The following TAP2 variants were observed in gnomAD, a reference collection of about 807,000 sequenced individuals.
TAP2 encodes the protein antigen peptide transporter 2.
A neutral mutation model predicts 74.7 loss-of-function variants in TAP2; 49 were observed. The observed-to-expected ratio is 0.66, with a 90% CI of 0.52 to 0.83. The LOEUF (loss-of-function observed/expected upper bound fraction) is 0.83, where lower values mean the gene tolerates loss of function less well. Ranked by LOEUF, TAP2 falls within the 40% of genes least tolerant of loss-of-function variation. The pLI, the probability that TAP2 is intolerant of heterozygous loss-of-function variation, is 0.00. For missense variants in TAP2, 739 were observed against 859.0 expected, an observed-to-expected ratio of 0.86 and a Z score of 1.75; for synonymous variants, 306 against 368.4, an observed-to-expected ratio of 0.83 and a Z score of 1.94.
chr6:32,838,484 T>A (rs867497225), intron 1 of TAP2, among the ~76,000 whole-genome samples, 169 bp downstream of exon 1: 28 of 110,894 alleles, frequency 2.5e-4, no homozygotes, highest in Admixed American at 1.9e-3. Flanking sequence ...AAAAAAAAAA[T>A]CCCCGGACCC....
chr6:32,832,687 T>C lies in TAP2; in HGVS notation c.1083A>G (p.Gln361=), dbSNP rs1369405533. ...EVCRYKEALE[Q]CRQLYWRRDL... is the part of the protein sequence containing the mutation. ...CTCTCCGCCAATACAGCTGCCGACA[T>C]TGTTCAAGGGCCTCTTTATAGCGAC... is the stretch of plus-strand genomic sequence containing the variant. Residue 361 remains glutamine (Q), a synonymous_variant, in exon 6 of 12, where the codon CAA becomes CAG. Transcript: ENST00000374897. The surrounding 1 kb of genome is among the most constrained non-coding windows in gnomAD (Gnocchi z 5.9). 6.2e-7 allele frequency: 1 copy of C among 1,613,112 alleles called. No individual in the cohort carries two copies. Among genetic ancestry groups the C allele is most frequent in the African/African-American group, 1.3e-5 (1 of 75,046 alleles).
At chr6:32,834,336 A>G (rs1769274147) in intron 5 of TAP2, among the ~76,000 whole-genome samples, 1 of 152,266 alleles carries the variant, frequency 6.6e-6, no homozygotes, top group South Asian at 2.1e-4. Flanking sequence ...ACATGCTACA[A>G]TATGGATGAG....
In TAP2 at chr6:32,832,656, C is replaced by A. The variant is rs2127359186; in HGVS notation, c.1114G>T (p.Glu372Ter). The A allele has an allele frequency of 1.9e-6, 3 of 1,613,096 alleles. No individual in the cohort carries two copies. The African/African-American group carries it at 4.0e-5, about 21-fold the overall frequency. Reference protein sequence around the residue: ...CRQLYWRRDLERALYLLVRRV... With the variant: ...CRQLYWRRDL The stretch of plus-strand genomic sequence containing the variant: ...CTTACGAGCAGGTACAAGGCGCGTT[C>A]CAGGTCTCTCCGCCAATACAGCTGC... Residue 372 changes from glutamate (E) to a stop codon, truncating the protein, a stop_gained, in exon 6 of 12, where the codon GAA (glutamate) becomes TAA (stop). Coordinates refer to ENST00000374897, the MANE Select transcript of TAP2 (RefSeq NM_001290043.2). LOFTEE classifies it high-confidence loss of function. The surrounding 1 kb of genome is among the most constrained non-coding windows in gnomAD (Gnocchi z 5.9).
intron 7 of TAP2, 64 bp from the exon 8 acceptor site, chr6:32,830,870 A>T (rs56294406): frequency 0.025 from 34,800 of 1,372,352 alleles, 581 homozygotes; most frequent in East Asian, 0.055. Flanking sequence ...CACCCTCCCA[A>T]CTCCTCACAC....
At position 32,829,409 on chromosome 6, in the gene TAP2, G is replaced by A. The variant is rs369632751; in HGVS notation, c.1923C>T (p.Cys641=). Residue 641 remains cysteine (C), a synonymous_variant, in exon 11 of 12, where the codon TGC becomes TGT. Transcript: ENST00000374897. ...DEATSALDVQ[C]EQALQDWNSR... ...CTCTCACGGTACTCACGGCCTGCTC[G>A]CACTGCACATCTAGGGCACTAGTAG... The A allele has an allele frequency of 1.1e-5, 18 of 1,601,334 alleles. No homozygotes were observed. Among genetic ancestry groups the A allele is most frequent in the Admixed American group, 1.7e-5 (1 of 57,966 alleles).
At position 32,835,895 on chromosome 6, in the gene TAP2, G is replaced by A; in HGVS notation, c.609-122C>T. The A allele has an allele frequency of 8.0e-7, 1 of 1,250,276 alleles. No homozygotes were observed. Among genetic ancestry groups the A allele is most frequent in the Non-Finnish European group, 1.2e-6 (1 of 868,986 alleles). The allele number at this position is 1,250,276 out of a possible 1,614,324, so 77.4% of individuals were successfully genotyped here. ...AGTCAGGGGAAAGCATGCCAGGAGG[G>A]GCAAAAGAGAAAGAAATGAGAGACA... On this transcript the variant is annotated intron_variant, in intron 3 of 11. Coordinates refer to ENST00000374897, the MANE Select transcript of TAP2 (RefSeq NM_001290043.2). The surrounding 1 kb of genome is among the most constrained non-coding windows in gnomAD (Gnocchi z 4.0).
Position 32,837,859 on chromosome 6 carries a change from C to G in TAP2, c.375G>C (p.Gln125His), listed in dbSNP as rs562176186. ...LWAVLSPPGA[Q>H]EKEQDQVNNK... The stretch of plus-strand genomic sequence containing the variant: ...TGTTCACCTGGTCCTGCTCCTTCTC[C>G]TGGGCTCCAGGAGGGCTCAGAACAG... Residue 125 changes from glutamine (Q) to histidine (H), a missense_variant, in exon 2 of 12, where the codon CAG (glutamine) becomes CAC (histidine). By Grantham distance (24) the Gln-to-His change is conservative. Transcript: ENST00000374897. The G allele has an allele frequency of 1.2e-4, 186 of 1,613,380 alleles. 1 individual carries two copies. In the Admixed American group the frequency reaches 3.0e-3, roughly 26 times the overall value.
chr6:32,825,418 A>T lies in TAP2; in HGVS notation c.*3488T>A, dbSNP rs1768580378. On this transcript the variant is annotated 3_prime_UTR_variant, in exon 12 of 12. Coordinates refer to ENST00000374897, the MANE Select transcript of TAP2 (RefSeq NM_001290043.2). ...GAAATATGGAACTTCCATAAAATAG[A>T]ATACTACATAGCCATATATTTTTAA... 1 of 152,180 alleles carries T rather than the reference A, an allele frequency of 6.6e-6. No individual in the cohort carries two copies. Among genetic ancestry groups the T allele is most frequent in the Non-Finnish European group, 1.5e-5 (1 of 68,032 alleles). 9.4% of individuals were successfully genotyped at this position (152,180 alleles called of 1,614,324 possible). A position where few individuals can be genotyped will look rare whatever the true frequency, so the allele number is the denominator to read the frequency against.
chr6:32,829,627 G>C, intron 10 of TAP2, 91 bp from the exon 11 acceptor site: 1 of 1,588,502 alleles, frequency 6.3e-7, no homozygotes, highest in Non-Finnish European at 8.6e-7. Flanking sequence ...ACTTCCAGTA[G>C]GACCTCGGGA....
chr6:32,827,839 T>A lies in TAP2; in HGVS notation c.*1067A>T, dbSNP rs1189014233. The A allele has an allele frequency of 1.1e-6, 1 of 929,722 alleles. No individual in the cohort carries two copies. Among genetic ancestry groups the A allele is most frequent in the Non-Finnish European group, 1.3e-6 (1 of 782,392 alleles). 57.6% of individuals were successfully genotyped at this position (929,722 alleles called of 1,614,324 possible). A position where few individuals can be genotyped will look rare whatever the true frequency, so the allele number is the denominator to read the frequency against. ...CACAGAATTTAGAAAAATGACTTTG[T>A]GAAGAATGGCCGGAAGAGGGAAGCT... On this transcript the variant is annotated 3_prime_UTR_variant, in exon 12 of 12. Transcript: ENST00000374897.
chr6:32,834,821 C>T (rs751075179), intron 5 of TAP2, among the ~76,000 whole-genome samples: 4 of 152,110 alleles, frequency 2.6e-5, no homozygotes, highest in Non-Finnish European at 4.4e-5. Context: ...TTTTAATCTT[C>T]GCAGTGGGGG....
At position 32,826,182 on chromosome 6, in the gene TAP2, T is replaced by TTTC; in HGVS notation, c.*2721_*2723dup. 2.0e-6 allele frequency: 2 copies of TTTC among 985,412 alleles called. No homozygotes were observed. The highest frequency in any genetic ancestry group is 2.4e-6 in the Non-Finnish European group (2 of 829,926). 61.0% of individuals were successfully genotyped at this position (985,412 alleles called of 1,614,324 possible). The stretch of plus-strand genomic sequence containing the variant: ...CTGACAATTACGCATTTCCTGCTTG[T>TTTC]TTCACAATTGCCATGTGGATTACAA... On this transcript the variant is annotated 3_prime_UTR_variant, in exon 12 of 12. Transcript: ENST00000374897.
Position 32,830,944 on chromosome 6 carries a change from A to C in TAP2, c.1273-138T>G, listed in dbSNP as rs1769039657. ...AAAGAGATTCTCCACTTTTAAATGT[A>C]CAATTTGGACGGAATTTAAAAGTGG... On this transcript the variant is annotated intron_variant, in intron 7 of 11. Transcript: ENST00000374897. 4 of 848,982 alleles carry C rather than the reference A, an allele frequency of 4.7e-6. No homozygotes were observed. In the South Asian group the frequency reaches 5.7e-5, roughly 12 times the overall value. The allele number at this position is 848,982 out of a possible 1,614,324, so 52.6% of individuals were successfully genotyped here.
chr6:32,835,488 C>T lies in TAP2; in HGVS notation c.740-129G>A. On this transcript the variant is annotated intron_variant, in intron 4 of 11. Coordinates refer to ENST00000374897, the MANE Select transcript of TAP2 (RefSeq NM_001290043.2). The surrounding 1 kb of genome is among the most constrained non-coding windows in gnomAD (Gnocchi z 4.0). ...ACATCCTCCTTCACTTGCAGAGGGACAGTGGAGGCTGCTTCTCCACCCTGT... is the reference window on the plus strand; with the variant it reads ...ACATCCTCCTTCACTTGCAGAGGGATAGTGGAGGCTGCTTCTCCACCCTGT... The T allele has an allele frequency of 7.0e-7, 1 of 1,424,942 alleles. No individual in the cohort carries two copies. Among genetic ancestry groups the T allele is most frequent in the African/African-American group, 1.4e-5 (1 of 71,146 alleles). 88.3% of individuals were successfully genotyped at this position (1,424,942 alleles called of 1,614,324 possible).
chr6:32,826,402 G>C lies in TAP2; in HGVS notation c.*2504C>G. The C allele has an allele frequency of 1.0e-6, 1 of 985,350 alleles. No individual in the cohort carries two copies. The allele number at this position is 985,350 out of a possible 1,614,324, so 61.0% of individuals were successfully genotyped here. A position where few individuals can be genotyped will look rare whatever the true frequency, so the allele number is the denominator to read the frequency against. ...GGTGGGAAAGATACTGCAGGTAAGC[G>C]ACAAGAAGGGGAAATTACAGGGTAA... On this transcript the variant is annotated 3_prime_UTR_variant, in exon 12 of 12. Coordinates refer to ENST00000374897, the MANE Select transcript of TAP2 (RefSeq NM_001290043.2).
rs2127355136 is a variant in TAP2, at chr6:32,830,442, T to A, written c.1462-2A>T. On this transcript the variant is annotated splice_acceptor_variant, in intron 8 of 11. Transcript: ENST00000374897. LOFTEE classifies it high-confidence loss of function. ...AGGACGTAGGGTAAACGTCAGCCCC[T>A]AGAAAACCAGAAAAAGAGTTAAGGG... 6.2e-7 allele frequency: 1 copy of A among 1,611,992 alleles called. No individual in the cohort carries two copies. The highest frequency in any genetic ancestry group is 1.1e-5 in the South Asian group (1 of 90,974).
rs141937598 is a variant in TAP2 at position 32,830,471 on chromosome 6, G to A, written c.1462-31C>T. The A allele has an allele frequency of 2.5e-4, 406 of 1,600,554 alleles. 1 individual carries two copies. In the African/African-American group the frequency reaches 5.0e-3, roughly 20 times the overall value. ...AAACCAGAAAAAGAGTTAAGGGCCT[G>A]CCCCTTCTCCCTCAAAATCCCTCCA... On this transcript the variant is annotated intron_variant, in intron 8 of 11. Transcript: ENST00000374897.
At position 32,830,801 on chromosome 6, in the gene TAP2, C is replaced by T. The variant is rs754216065; in HGVS notation, c.1278G>A (p.Leu426=). ...TGAGCATATCCCCATATATGTATAC[C>T]AGGGTCTGGAAAACAGGAATGGGAG... is the stretch of plus-strand genomic sequence containing the variant. ...QESVGSYVQT[L]VYIYGDMLSN... The change falls in exon 8 of 12, where the codon CTG becomes CTA. Residue 426 remains leucine, a synonymous_variant. Transcript: ENST00000374897. 1.7e-5 allele frequency: 27 copies of T among 1,609,928 alleles called. No homozygotes were observed. Among genetic ancestry groups the T allele is most frequent in the Admixed American group, 3.4e-5 (2 of 59,594 alleles).
At position 32,832,167 on chromosome 6, in the gene TAP2, AT is replaced by A. The variant is rs1362002173; in HGVS notation, c.1272+165del. On this transcript the variant is annotated intron_variant, in intron 7 of 11. Transcript: ENST00000374897. This position sits in a 1 kb window ranked among gnomAD's most constrained non-coding sequence, Gnocchi z 5.9. ...TGTATACATGTGAGTTTGTAATATTATTTTGTCTCATTTTTGGCATATGTTT... is the reference window on the plus strand; with the variant it reads ...TGTATACATGTGAGTTTGTAATATTATTTGTCTCATTTTTGGCATATGTTT... 3 of 897,934 alleles carry A rather than the reference AT, an allele frequency of 3.3e-6. No homozygotes were observed. The highest frequency in any genetic ancestry group is 1.7e-6 in the Non-Finnish European group (1 of 584,806). 55.6% of individuals were successfully genotyped at this position (897,934 alleles called of 1,614,324 possible).
Sources: allele counts gnomAD v4.1 joint callset (sites outside exome capture counted in the v4.1 genomes callset), GRCh38; gene constraint gnomAD v4.1.1; non-coding constraint Gnocchi (gnomAD v3.1); transcripts MANE v1.5; gene names NCBI Gene and HGNC (gene_info 2026-07-23, HGNC 2026-07-21).